The following PAX2 variants were observed in gnomAD, a reference collection of about 807,000 sequenced individuals.
PAX2 encodes the protein paired box 2.
In PAX2, 9 loss-of-function variants were observed where a neutral mutation model predicts 41.7. That is an observed-to-expected ratio of 0.22 (90% CI 0.13 to 0.38). The LOEUF is 0.38. Among genes scored for constraint, PAX2 ranks in the 10% least tolerant of loss-of-function variants. The pLI, the probability that PAX2 is intolerant of heterozygous loss-of-function variation, is 1.00. For synonymous variants in PAX2, 221 were observed against 212.7 expected (o/e 1.04, Z -0.34); for missense variants, 418 against 531.6 (o/e 0.79, Z 2.10).
At chr10:100,766,186 C>T (rs932345399) in intron 3 of PAX2, among the ~76,000 whole-genome samples, 6 of 152,228 alleles carry the variant, frequency 3.9e-5, no homozygotes, top group African/African-American at 1.2e-4. Flanking sequence ...TGCCATACTT[C>T]ATATCTACTT....
In PAX2 at chr10:100,748,549, G is replaced by T. The variant is rs1349802856; in HGVS notation, c.44-1197G>T. On this transcript the variant is annotated intron_variant, in intron 1 of 9. Transcript: ENST00000355243. The surrounding 1 kb of genome is among the most constrained non-coding windows in gnomAD (Gnocchi z 5.0). ...CAGTCCGGGCCGACCCGACTCGGCCGCTAGAAGTCTCTGCGCTTGGATTGC... is the reference window on the plus strand; with the variant it reads ...CAGTCCGGGCCGACCCGACTCGGCCTCTAGAAGTCTCTGCGCTTGGATTGC... 1 of 985,296 alleles carries T rather than the reference G, an allele frequency of 1.0e-6. No individual in the cohort carries two copies. Among genetic ancestry groups the T allele is most frequent in the Non-Finnish European group, 1.2e-6 (1 of 829,926 alleles). The allele number at this position is 985,296 out of a possible 1,614,324, so 61.0% of individuals were successfully genotyped here. A position where few individuals can be genotyped will look rare whatever the true frequency, so the allele number is the denominator to read the frequency against.
chr10:100,780,600 A>G (rs529908051), intron 4 of PAX2, among the ~76,000 whole-genome samples: 48 of 152,270 alleles, frequency 3.2e-4, no homozygotes, highest in African/African-American at 1.0e-3. Context: ...GGGTTCACTA[A>G]TCTTGCCCTA....
intron 3 of PAX2, among the ~76,000 whole-genome samples, chr10:100,752,851 C>A (rs767351748): frequency 6.6e-6 from 1 of 152,140 alleles, no homozygotes; most frequent in Non-Finnish European, 1.5e-5. Context: ...ATACTTCTAT[C>A]CTGAAAAGCC....
chr10:100,827,581 G>T lies in PAX2; in HGVS notation c.1147G>T (p.Ala383Ser). ...YYYSAAPRGS[A>S]PAAAAAAYDR... ...TTATAGTGCCGCCCCCCGGGGCTCC[G>T]CCCCTGCCGCTGCTGCCGCTGCCTA... The change falls in exon 10 of 10, where the codon GCC becomes TCC. Residue 383 changes from alanine to serine, a missense_variant. This residue lies in a region of PAX2 where 310 missense variants were observed against 325.2 expected (regional missense o/e 0.95). Transcript: ENST00000355243. This position sits in a 1 kb window ranked among gnomAD's most constrained non-coding sequence, Gnocchi z 8.5. The T allele has an allele frequency of 6.2e-7, 1 of 1,613,144 alleles. No homozygotes were observed. Among genetic ancestry groups the T allele is most frequent in the African/African-American group, 1.3e-5 (1 of 74,918 alleles).
At chr10:100,741,772 C>T (rs1844964878), upstream of PAX2, among the ~76,000 whole-genome samples, 1 of 152,260 alleles carries the variant, frequency 6.6e-6, no homozygotes, top group African/African-American at 2.4e-5. Context: ...TCCCTTTCTG[C>T]TTCTCTTCCC....
intron 5 of PAX2, among the ~76,000 whole-genome samples, chr10:100,799,717 T>G (rs1847472802): frequency 1.3e-5 from 2 of 151,884 alleles, no homozygotes; most frequent in African/African-American, 4.8e-5. Context: ...GTGAAAGCCC[T>G]AATATCATTA....
chr10:100,739,323 G>C (rs1021418621), intron 1 of PAX2, among the ~76,000 whole-genome samples: 1 of 152,232 alleles, frequency 6.6e-6, no homozygotes, highest in African/African-American at 2.4e-5. Flanking sequence ...CGGCGGCCCT[G>C]CCCTTTGGGC....
intron 6 of PAX2, among the ~76,000 whole-genome samples, chr10:100,808,805 A>G (rs1847888862): frequency 6.6e-6 from 1 of 152,132 alleles, no homozygotes; most frequent in African/African-American, 2.4e-5. Flanking sequence ...CAACAAGGGT[A>G]TCCCCACTAC....
intron 6 of PAX2, 146 bp downstream of exon 6, chr10:100,806,751 C>T (rs139281041): frequency 1.3e-5 from 10 of 781,236 alleles, no homozygotes; most frequent in Non-Finnish European, 2.0e-5. Context: ...TGTGAACAGG[C>T]TCACATGAGA....
Position 100,809,097 on chromosome 10 carries a change from T to C in PAX2, c.793-13T>C, listed in dbSNP as rs1847900592. 6.2e-7 allele frequency: 1 copy of C among 1,612,858 alleles called. No individual in the cohort carries two copies. Among genetic ancestry groups the C allele is most frequent in the Non-Finnish European group, 8.5e-7 (1 of 1,179,170 alleles). ...CATCAATAGAGAGCTGTCACTTTTCTCTCTCCTCCCAGGGGAACGAGTACT... is the reference window on the plus strand; with the variant it reads ...CATCAATAGAGAGCTGTCACTTTTCCCTCTCCTCCCAGGGGAACGAGTACT... On this transcript the variant is annotated splice_polypyrimidine_tract_variant and intron_variant, in intron 6 of 9. Coordinates refer to ENST00000355243, the MANE Select transcript of PAX2 (RefSeq NM_000278.5).
At chr10:100,753,965 ATGT>A (rs1845541511) in intron 3 of PAX2, among the ~76,000 whole-genome samples, 2 of 152,174 alleles carry the variant, frequency 1.3e-5, no homozygotes, top group South Asian at 4.1e-4. Flanking sequence ...GCTCCTTAGC[ATGT>A]GGAATTTATC....
chr10:100,793,591 T>A (rs1847216615), intron 5 of PAX2, among the ~76,000 whole-genome samples: 1 of 152,206 alleles, frequency 6.6e-6, no homozygotes, highest in Non-Finnish European at 1.5e-5. Context: ...GGAAAGTAAA[T>A]GTGCTGGTAC....
intron 3 of PAX2, among the ~76,000 whole-genome samples, chr10:100,777,435 C>A (rs1040133789): frequency 7.1e-6 from 1 of 141,806 alleles, no homozygotes; most frequent in Non-Finnish European, 1.5e-5. Context: ...CACTCTATTG[C>A]CCAGACTGGA....
intron 3 of PAX2, among the ~76,000 whole-genome samples, chr10:100,771,659 T>C (rs1271699888): frequency 6.6e-6 from 1 of 152,184 alleles, no homozygotes; most frequent in African/African-American, 2.4e-5. Flanking sequence ...AAGGTTCTGC[T>C]GTGAAAAGTC....
intron 5 of PAX2, among the ~76,000 whole-genome samples, chr10:100,796,098 T>C (rs888640398): frequency 1.3e-5 from 2 of 152,202 alleles, no homozygotes; most frequent in African/African-American, 4.8e-5. Flanking sequence ...TCATGTATCC[T>C]GCATAAGAGG....
At chr10:100,761,004 A>G (rs1845821171) in intron 3 of PAX2, among the ~76,000 whole-genome samples, 1 of 152,084 alleles carries the variant, frequency 6.6e-6, no homozygotes, top group African/African-American at 2.4e-5. Context: ...TCGGGTTCCT[A>G]CCCATTTGCA....
chr10:100,783,649 G>T (rs1232690691), intron 5 of PAX2, among the ~76,000 whole-genome samples: 1 of 145,088 alleles, frequency 6.9e-6, no homozygotes, highest in Non-Finnish European at 1.5e-5. Flanking sequence ...GACCATAGAA[G>T]GAGTTTGGGC....
At chr10:100,737,455 C>G (rs1844812704) in intron 1 of PAX2, among the ~76,000 whole-genome samples, 1 of 152,260 alleles carries the variant, frequency 6.6e-6, no homozygotes, top group East Asian at 1.9e-4. Context: ...GGCCCGACTC[C>G]GCACCGCACT....
At position 100,828,237 on chromosome 10, in the gene PAX2, A is replaced by C; in HGVS notation, c.*618A>C. 2 of 230,666 alleles carry C rather than the reference A, an allele frequency of 8.7e-6. No individual in the cohort carries two copies. The highest frequency in any genetic ancestry group is 6.1e-5 in the East Asian group (1 of 16,278). 14.3% of individuals were successfully genotyped at this position (230,666 alleles called of 1,614,324 possible). ...GGTGTGCCCTGTCCCAGAAGATGGA[A>C]TGGGGGTGTGGGGGTCCGGCTCTAG... is the stretch of plus-strand genomic sequence containing the variant. On this transcript the variant is annotated 3_prime_UTR_variant, in exon 10 of 10. Transcript: ENST00000355243. The surrounding 1 kb of genome is among the most constrained non-coding windows in gnomAD (Gnocchi z 6.5).
Sources: gnomAD v4.1 joint callset for allele counts (sites outside exome capture counted in the v4.1 genomes callset) on GRCh38, gnomAD v4.1.1 for gene constraint, gnomAD v4.1.1 regional missense constraint, Gnocchi (gnomAD v3.1) non-coding constraint, MANE v1.5 for transcripts, NCBI Gene and HGNC (gene_info 2026-07-23, HGNC 2026-07-21) for gene names.